Variants in TSPAN11 observed in about 807,000 individuals in gnomAD.
TSPAN11 encodes tetraspanin-11.
In TSPAN11, 29 loss-of-function variants were observed where a neutral mutation model predicts 32.9. That is an observed-to-expected ratio of 0.88 (90% CI 0.66 to 1.20). TSPAN11 has a LOEUF of 1.20. TSPAN11 is among the 50% of genes most tolerant of loss of function. The pLI, the probability that TSPAN11 is intolerant of heterozygous loss-of-function variation, is 0.00. For missense variants in TSPAN11, 283 were observed against 329.1 expected (o/e 0.86, Z 1.08); for synonymous variants, 140 against 141.3 (o/e 0.99, Z 0.07).
At chr12:30,983,261 C>T (rs981102171) in intron 7 of TSPAN11, 111 bp downstream of exon 7, 10 of 1,024,202 alleles carry the variant, frequency 9.8e-6, no homozygotes, top group African/African-American at 3.2e-5. Flanking sequence ...TTTGCACACC[C>T]GCACCCTACC....
At chr12:30,947,031 G>A (rs775102575) in intron 1 of TSPAN11, among the ~76,000 whole-genome samples, 8 of 152,166 alleles carry the variant, frequency 5.3e-5, no homozygotes, top group African/African-American at 9.7e-5. Context: ...GAAATCAGAA[G>A]ACACTCCCCA....
At chr12:30,984,131 CCGCTCA>C (rs1272961619) in intron 7 of TSPAN11, among the ~76,000 whole-genome samples, 1 of 152,196 alleles carries the variant, frequency 6.6e-6, no homozygotes, top group Admixed American at 6.5e-5. Context: ...ACGCCTGCTT[CCGCTCA>C]GCAGGAGCTG....
Position 30,971,633 on chromosome 12 carries a change from C to T in TSPAN11, c.277-6928C>T, listed in dbSNP as rs61242719. On this transcript the variant is annotated intron_variant, in intron 3 of 7. Coordinates refer to ENST00000546076, the MANE Select transcript of TSPAN11 (RefSeq NM_001370302.1). ...GGCATGGTGGTATGCACCTGTAGTCCCAGCTACTTAGGAGGCTGAGGTGGG... is the reference window on the plus strand; with the variant it reads ...GGCATGGTGGTATGCACCTGTAGTCTCAGCTACTTAGGAGGCTGAGGTGGG... 8.8e-3 allele frequency among the ~76,000 whole-genome samples: 1,344 copies of T among 151,938 alleles called. 28 individuals are homozygous for T. The highest frequency in any genetic ancestry group is 0.078 in the East Asian group (402 of 5,178).
intron 2 of TSPAN11, among the ~76,000 whole-genome samples, chr12:30,959,423 C>T (rs1262886587): frequency 6.6e-6 from 1 of 152,136 alleles, no homozygotes; most frequent in Non-Finnish European, 1.5e-5. Flanking sequence ...GAGAGCCTCC[C>T]TGAGGCCCAC....
At chr12:30,929,339 T>C (rs11613184) in intron 1 of TSPAN11, among the ~76,000 whole-genome samples, 20,607 of 152,222 alleles carry the variant, frequency 0.14, 1,408 homozygotes, top group African/African-American at 0.15. Context: ...CCATTTCTGC[T>C]TGGCCATGGA....
intron 3 of TSPAN11, among the ~76,000 whole-genome samples, chr12:30,974,173 G>A (rs1406504212): frequency 2.6e-5 from 4 of 152,270 alleles, no homozygotes; most frequent in Non-Finnish European, 4.4e-5. Flanking sequence ...TCGGGAGCTA[G>A]GTAACATTCC....
intron 7 of TSPAN11, among the ~76,000 whole-genome samples, chr12:30,985,904 C>T (rs1182226766): frequency 6.6e-6 from 1 of 152,242 alleles, no homozygotes; most frequent in Non-Finnish European, 1.5e-5. Flanking sequence ...GTTCCTTCGC[C>T]GTTGCTATGG....
At chr12:30,958,231 T>C (rs1938539464) in intron 2 of TSPAN11, among the ~76,000 whole-genome samples, 1 of 151,812 alleles carries the variant, frequency 6.6e-6, no homozygotes, top group African/African-American at 2.4e-5. Flanking sequence ...GCAGAGGAGG[T>C]AGTGTTCTGA....
intron 3 of TSPAN11, among the ~76,000 whole-genome samples, chr12:30,965,454 C>T (rs754868288): frequency 6.6e-6 from 1 of 152,042 alleles, no homozygotes; most frequent in Non-Finnish European, 1.5e-5. Context: ...TACAGAAGCC[C>T]CCACCGAGCG....
In TSPAN11 at chr12:30,982,680, A is replaced by T; in HGVS notation, c.605A>T (p.Tyr202Phe). ...CAGCGGGCCCACCCCTCCAACATCT[A>T]TAAGGTGGAGGTGAGCACCCAAGCT... is the stretch of plus-strand genomic sequence containing the variant. ...CGQRAHPSNI[Y>F]KVEGGCLTKL... The change falls in exon 6 of 8, where the codon TAT becomes TTT. Residue 202 changes from tyrosine (Y) to phenylalanine (F), a missense_variant. By Grantham distance (22) the Tyr-to-Phe change is conservative. Transcript: ENST00000546076. The T allele has an allele frequency of 3.2e-6, 5 of 1,577,512 alleles. No individual in the cohort carries two copies. Among genetic ancestry groups the T allele is most frequent in the Non-Finnish European group, 4.3e-6 (5 of 1,160,354 alleles).
At chr12:30,930,678 G>A (rs1441267184) in intron 1 of TSPAN11, among the ~76,000 whole-genome samples, 1 of 152,246 alleles carries the variant, frequency 6.6e-6, no homozygotes, top group Non-Finnish European at 1.5e-5. Flanking sequence ...TGACCACAGT[G>A]AAGGAATTTG....
chr12:30,964,054 C>A, intron 3 of TSPAN11, 37 bp downstream of exon 3: 1 of 1,589,770 alleles, frequency 6.3e-7, no homozygotes. Context: ...GGATGGGGAG[C>A]CCTGCACCAC....
rs780906552 is a variant in TSPAN11, at chr12:30,978,645, G to A, written c.351+10G>A. Reference sequence around the variant, plus strand: ...TGTGTATTACCAGAGGGTAAGTGACGTTTCCTCCTCCTGCATCCTCTGTCA... The same window carrying A: ...TGTGTATTACCAGAGGGTAAGTGACATTTCCTCCTCCTGCATCCTCTGTCA... On this transcript the variant is annotated intron_variant, in intron 4 of 7. Coordinates refer to ENST00000546076, the MANE Select transcript of TSPAN11 (RefSeq NM_001370302.1). The A allele has an allele frequency of 3.7e-6, 6 of 1,613,722 alleles. No individual in the cohort carries two copies. The highest frequency in any genetic ancestry group is 1.3e-5 in the African/African-American group (1 of 74,926).
chr12:31,010,937 T>C, the TSPAN11 span, among the ~76,000 whole-genome samples: 1 of 151,984 alleles, frequency 6.6e-6, no homozygotes, highest in Admixed American at 6.6e-5. Flanking sequence ...ACAGAGGGGT[T>C]AGGAGAGCAC....
In TSPAN11 at chr12:30,994,400, C is replaced by T. The variant is rs1416417533; in HGVS notation, c.*2485C>T. On this transcript the variant is annotated 3_prime_UTR_variant, in exon 8 of 8. Transcript: ENST00000546076. ...TCAGTCCCGTGCAGGCAAAAGGCCC[C>T]TGCACACCAGGGCCCTAGGAAAGCA... is the stretch of plus-strand genomic sequence containing the variant. The T allele has an allele frequency of 6.6e-6, 1 of 152,242 alleles. No individual in the cohort carries two copies. Among genetic ancestry groups the T allele is most frequent in the African/African-American group, 2.4e-5 (1 of 41,438 alleles). 9.4% of individuals were successfully genotyped at this position (152,242 alleles called of 1,614,324 possible).
chr12:30,944,926 A>G (rs1210653913), intron 1 of TSPAN11, among the ~76,000 whole-genome samples: 3 of 152,200 alleles, frequency 2.0e-5, no homozygotes, highest in African/African-American at 7.2e-5. Flanking sequence ...AAAAGCTGAT[A>G]GGATCCTAAG....
intron 7 of TSPAN11, among the ~76,000 whole-genome samples, chr12:30,988,766 G>C (rs1041412077): frequency 6.6e-6 from 1 of 152,124 alleles, no homozygotes; most frequent in Non-Finnish European, 1.5e-5. Flanking sequence ...ATGCACATCT[G>C]AAGACATCAA....
At chr12:30,959,634 G>T (rs1471481674) in intron 2 of TSPAN11, among the ~76,000 whole-genome samples, 1 of 152,020 alleles carries the variant, frequency 6.6e-6, no homozygotes, top group Non-Finnish European at 1.5e-5. Context: ...ACAAAAATTA[G>T]CCAGGCGTGG....
chr12:31,015,418 G>T, the TSPAN11 span: 1 of 152,224 alleles, frequency 6.6e-6, no homozygotes, highest in Non-Finnish European at 1.5e-5. The surrounding 1 kb of genome is among the most constrained non-coding windows in gnomAD (Gnocchi z 4.9). Context: ...GGTTTAAGCG[G>T]TGTGGGGTCA....
Sources: gnomAD v4.1 joint callset for allele counts (sites outside exome capture counted in the v4.1 genomes callset) on GRCh38, gnomAD v4.1.1 for gene constraint, Gnocchi (gnomAD v3.1) non-coding constraint, MANE v1.5 for transcripts, NCBI Gene and HGNC (gene_info 2026-07-23, HGNC 2026-07-21) for gene names.